Variants in UBE2E2 observed in about 807,000 individuals in gnomAD.
UBE2E2 encodes ubiquitin conjugating enzyme E2 E2.
UBE2E2 carries 6 observed loss-of-function variants against 24.7 expected under a neutral mutation model. The ratio of observed to expected loss-of-function variants is 0.24; its 90% confidence interval spans 0.13 to 0.48. The LOEUF (loss-of-function observed/expected upper bound fraction) is 0.48. UBE2E2 is among the 20% of genes least tolerant of loss of function. The pLI, the probability that UBE2E2 is intolerant of heterozygous loss-of-function variation, is 0.99. For missense variants in UBE2E2, 169 were observed against 245.0 expected (o/e 0.69, Z 2.07); for synonymous variants, 104 against 83.6 (o/e 1.24, Z -1.33).
chr3:23,398,374 A>C (rs983568376), intron 3 of UBE2E2, among the ~76,000 whole-genome samples: 1 of 151,494 alleles, frequency 6.6e-6, no homozygotes, highest in African/African-American at 2.4e-5. Context: ...GATTTTTCCA[A>C]AGTAATCACT....
At chr3:23,275,167 C>T (rs543960850) in intron 3 of UBE2E2, among the ~76,000 whole-genome samples, 30 of 152,044 alleles carry the variant, frequency 2.0e-4, no homozygotes, top group Non-Finnish European at 3.5e-4. Flanking sequence ...AATTTAATTG[C>T]GTTGTGGGAA....
chr3:23,384,985 C>T (rs747092604), intron 3 of UBE2E2, among the ~76,000 whole-genome samples: 3 of 151,524 alleles, frequency 2.0e-5, no homozygotes, highest in East Asian at 3.9e-4. Flanking sequence ...AGTCTGATTG[C>T]GGTGGCATGA....
At chr3:23,496,713 A>G (rs899004133) in intron 3 of UBE2E2, among the ~76,000 whole-genome samples, 3 of 152,172 alleles carry the variant, frequency 2.0e-5, no homozygotes, top group African/African-American at 4.8e-5. Flanking sequence ...TAGTGCTTCA[A>G]TAAACATTAT....
chr3:23,493,608 A>G (rs994341546), intron 3 of UBE2E2, among the ~76,000 whole-genome samples: 2 of 152,232 alleles, frequency 1.3e-5, no homozygotes, highest in African/African-American at 2.4e-5. Flanking sequence ...GTGGGAAAAC[A>G]TTACTTAATA....
chr3:23,581,550 T>C (rs1696478433), intron 5 of UBE2E2, among the ~76,000 whole-genome samples: 1 of 152,208 alleles, frequency 6.6e-6, no homozygotes. Context: ...AACTATGAAG[T>C]GTAGGTACCA....
In UBE2E2 at chr3:23,280,746, A is replaced by T. The variant is rs746605064; in HGVS notation, c.227+63434A>T. On this transcript the variant is annotated intron_variant, in intron 3 of 5. Coordinates refer to ENST00000396703, the MANE Select transcript of UBE2E2 (RefSeq NM_152653.4). This position sits in a 1 kb window ranked among gnomAD's most constrained non-coding sequence, Gnocchi z 4.3. The stretch of plus-strand genomic sequence containing the variant: ...GAATGAGTACTGGAGACTAGCCTCT[A>T]TGTTTCTTACTCACTTCTGTTTTTA... 5.9e-5 allele frequency among the ~76,000 whole-genome samples: 9 copies of T among 152,148 alleles called. No individual in the cohort carries two copies. Among genetic ancestry groups the T allele is most frequent in the African/African-American group, 9.7e-5 (4 of 41,434 alleles).
chr3:23,260,620 C>T (rs371643054), intron 3 of UBE2E2, among the ~76,000 whole-genome samples: 2 of 152,158 alleles, frequency 1.3e-5, no homozygotes, highest in South Asian at 2.1e-4. Context: ...CAAGACCAGC[C>T]TGGGCAACAT....
chr3:23,521,897 C>T (rs910316856), intron 4 of UBE2E2, among the ~76,000 whole-genome samples: 1 of 150,938 alleles, frequency 6.6e-6, no homozygotes, highest in South Asian at 2.1e-4. Context: ...TACCCCCCAC[C>T]CCCCCAGCAC....
At chr3:23,378,937 A>G (rs1297181261) in intron 3 of UBE2E2, among the ~76,000 whole-genome samples, 1 of 152,208 alleles carries the variant, frequency 6.6e-6, no homozygotes, top group African/African-American at 2.4e-5. Context: ...AACACCCTTT[A>G]ATTACTACAT....
At chr3:23,485,091 C>CTT (rs71620781) in intron 3 of UBE2E2, among the ~76,000 whole-genome samples, 54 of 107,708 alleles carry the variant, frequency 5.0e-4, no homozygotes, top group East Asian at 1.3e-3. Flanking sequence ...TTAACACTAC[C>CTT]TTTTTTTTTT....
At chr3:23,275,715 A>G (rs1698361065) in intron 3 of UBE2E2, among the ~76,000 whole-genome samples, 1 of 152,162 alleles carries the variant, frequency 6.6e-6, no homozygotes, top group South Asian at 2.1e-4. Flanking sequence ...GAAATCCATG[A>G]TCATAGGCTG....
intron 3 of UBE2E2, among the ~76,000 whole-genome samples, chr3:23,362,861 G>A (rs946246791): frequency 1.3e-5 from 2 of 152,206 alleles, no homozygotes; most frequent in Admixed American, 6.5e-5. Context: ...AGAAGGTGCA[G>A]CCTACTGTTG....
intron 2 of UBE2E2, among the ~76,000 whole-genome samples, chr3:23,215,231 T>G (rs1696445019): frequency 6.6e-6 from 1 of 152,206 alleles, no homozygotes; most frequent in African/African-American, 2.4e-5. Context: ...TCTTCAAAGT[T>G]AATAACATTT....
intron 3 of UBE2E2, among the ~76,000 whole-genome samples, chr3:23,458,014 A>T: frequency 6.6e-6 from 1 of 152,040 alleles, no homozygotes; most frequent in East Asian, 1.9e-4. Flanking sequence ...AGCACTTTTA[A>T]TTTCATGCAA....
intron 3 of UBE2E2, among the ~76,000 whole-genome samples, chr3:23,360,153 AC>A (rs1168075791): frequency 1.3e-5 from 2 of 152,198 alleles, no homozygotes; most frequent in Admixed American, 1.3e-4. Flanking sequence ...TTTGAATATT[AC>A]TGTAAGACAT....
chr3:23,298,742 A>C (rs1698984458), intron 3 of UBE2E2, among the ~76,000 whole-genome samples: 1 of 151,766 alleles, frequency 6.6e-6, no homozygotes, highest in Non-Finnish European at 1.5e-5. Context: ...TATTGGTCTA[A>C]AATTCTCTTT....
intron 5 of UBE2E2, among the ~76,000 whole-genome samples, chr3:23,550,954 A>G: frequency 6.6e-6 from 1 of 152,214 alleles, no homozygotes; most frequent in East Asian, 1.9e-4. Flanking sequence ...TATAATCATC[A>G]AAAGATCCTG....
chr3:23,356,235 T>C (rs1695946545), intron 3 of UBE2E2, among the ~76,000 whole-genome samples: 1 of 152,180 alleles, frequency 6.6e-6, no homozygotes, highest in African/African-American at 2.4e-5. Flanking sequence ...TATATACCCA[T>C]TGAATTTAGA....
intron 5 of UBE2E2, among the ~76,000 whole-genome samples, chr3:23,552,183 A>G (rs1469418208): frequency 6.6e-6 from 1 of 152,122 alleles, no homozygotes; most frequent in East Asian, 1.9e-4. Context: ...AGACTAATAC[A>G]GGTGTATTAA....
Sources: allele counts gnomAD v4.1 joint callset (sites outside exome capture counted in the v4.1 genomes callset), GRCh38; gene constraint gnomAD v4.1.1; non-coding constraint Gnocchi (gnomAD v3.1); transcripts MANE v1.5; gene names NCBI Gene and HGNC (gene_info 2026-07-23, HGNC 2026-07-21).